Variants in DPP10 observed in about 807,000 individuals in gnomAD.
DPP10 encodes inactive dipeptidyl peptidase 10.
In DPP10, 33 loss-of-function variants were observed where a neutral mutation model predicts 120.9. That is an observed-to-expected ratio of 0.27 (90% confidence interval 0.21 to 0.37). DPP10 has a LOEUF of 0.37. Among genes scored for constraint, DPP10 ranks in the 10% least tolerant of loss-of-function variants. The pLI is 1.00. For synonymous variants in DPP10, 337 were observed against 326.1 expected, an observed-to-expected ratio of 1.03 and a Z score of -0.36; for missense variants, 816 against 942.8, an observed-to-expected ratio of 0.87 and a Z score of 1.76.
chr2:115,821,891 AGTAGAATT>A (rs1687855397), intron 21 of DPP10, among the ~76,000 whole-genome samples: 1 of 151,998 alleles, frequency 6.6e-6, no homozygotes, highest in Non-Finnish European at 1.5e-5. Context: ...AATACATAAG[AGTAGAATT>A]GTTAAGTCAC....
chr2:114,895,087 A>G (rs1692856008), intron 1 of DPP10, among the ~76,000 whole-genome samples: 1 of 152,206 alleles, frequency 6.6e-6, no homozygotes, highest in South Asian at 2.1e-4. Flanking sequence ...AGAAGTTACA[A>G]GTAGTTCATA....
chr2:115,146,216 C>G lies in DPP10; in HGVS notation c.61-163023C>G, dbSNP rs2051217147. Among the ~76,000 whole-genome samples the G allele has an allele frequency of 5.9e-5, 9 of 152,102 alleles. No individual in the cohort carries two copies. The South Asian group carries it at 1.9e-3, about 31-fold the overall frequency. On this transcript the variant is annotated intron_variant, in intron 1 of 25. Coordinates refer to ENST00000410059, the MANE Select transcript of DPP10 (RefSeq NM_020868.6). ...GTGATCCCGAATCCCATACTTCAAA[C>G]CAAGCAGGATGGTGATAAAAATTCA...
At chr2:114,927,863 G>A (rs968535639) in intron 1 of DPP10, among the ~76,000 whole-genome samples, 17 of 152,218 alleles carry the variant, frequency 1.1e-4, no homozygotes, top group African/African-American at 4.1e-4. Context: ...TGTGGCAGAA[G>A]GCAAAGGGGA....
chr2:114,931,989 A>G (rs962935237), intron 1 of DPP10, among the ~76,000 whole-genome samples: 4 of 152,208 alleles, frequency 2.6e-5, no homozygotes, highest in Non-Finnish European at 4.4e-5. Flanking sequence ...AAATCTGACA[A>G]CCTTAGAGTT....
intron 1 of DPP10, among the ~76,000 whole-genome samples, chr2:114,586,116 T>C (rs901030907): frequency 1.3e-5 from 2 of 152,118 alleles, no homozygotes; most frequent in Non-Finnish European, 2.9e-5. Flanking sequence ...CTGGGTATCA[T>C]GGTGAGCACC....
chr2:114,638,283 C>T (rs1026636892), intron 1 of DPP10, among the ~76,000 whole-genome samples: 1 of 151,692 alleles, frequency 6.6e-6, no homozygotes, highest in African/African-American at 2.4e-5. Flanking sequence ...TCAGTTTGAA[C>T]ATTATTCGTC....
chr2:115,835,516 T>G (rs909352407), intron 21 of DPP10, among the ~76,000 whole-genome samples: 20 of 152,282 alleles, frequency 1.3e-4, no homozygotes, highest in Non-Finnish European at 2.2e-4. Flanking sequence ...TAAATTTATC[T>G]TACACAAGGG....
intron 1 of DPP10, among the ~76,000 whole-genome samples, chr2:114,813,110 T>C (rs1282533643): frequency 2.0e-5 from 3 of 152,210 alleles, no homozygotes; most frequent in Non-Finnish European, 2.9e-5. Flanking sequence ...ATAATAACAA[T>C]TCAAATGGTC....
intron 3 of DPP10, among the ~76,000 whole-genome samples, chr2:115,444,341 A>G (rs1448174646): frequency 3.3e-5 from 5 of 152,238 alleles, no homozygotes; most frequent in African/African-American, 1.2e-4. Context: ...ATCTCATGTA[A>G]TTAACATGAC....
rs1693791690 is a variant in DPP10 at position 114,904,047 on chromosome 2, A to G, written c.61-405192A>G. 2.0e-5 allele frequency among the ~76,000 whole-genome samples: 3 copies of G among 152,356 alleles called. No homozygotes were observed. The South Asian group carries it at 6.2e-4, about 32-fold the overall frequency. On this transcript the variant is annotated intron_variant, in intron 1 of 25. Coordinates refer to ENST00000410059, the MANE Select transcript of DPP10 (RefSeq NM_020868.6). Reference sequence around the variant, plus strand: ...ACCAGGAGTGAAATACTGCTACAACAAATACCTAAAAAGGTGGAAGTGACT... The same window carrying G: ...ACCAGGAGTGAAATACTGCTACAACGAATACCTAAAAAGGTGGAAGTGACT...
At chr2:115,459,938 T>TATATATATATATATATACACACAC (rs66927327) in intron 3 of DPP10, among the ~76,000 whole-genome samples, 9,746 of 128,122 alleles carry the variant, frequency 0.076, 473 homozygotes, top group East Asian at 0.12. Flanking sequence ...TATATATATA[T>TATATATATATATATATACACACAC]ACACACACAC....
chr2:114,479,197 T>G lies in DPP10; in HGVS notation c.60+36359T>G, dbSNP rs546127437. On this transcript the variant is annotated intron_variant, in intron 1 of 25. Coordinates refer to ENST00000410059, the MANE Select transcript of DPP10 (RefSeq NM_020868.6). ...CTCAAAATAGGGAAGATGTCAATTA[T>G]TCCCAAGTTTCTGTTTTGTTTTGTT... is the stretch of plus-strand genomic sequence containing the variant. Among the ~76,000 whole-genome samples the G allele has an allele frequency of 1.3e-4, 20 of 152,318 alleles. No individual in the cohort carries two copies. In the South Asian group the frequency reaches 3.5e-3, roughly 27 times the overall value.
At chr2:114,904,095 G>A (rs939605400) in intron 1 of DPP10, among the ~76,000 whole-genome samples, 7 of 152,202 alleles carry the variant, frequency 4.6e-5, no homozygotes, top group Non-Finnish European at 7.3e-5. Flanking sequence ...AATGGGTAGA[G>A]ACTGAAGAAG....
intron 1 of DPP10, chr2:114,828,458 GT>G (rs1181747632): frequency 6.6e-6 from 1 of 152,096 alleles, no homozygotes; most frequent in Non-Finnish European, 1.5e-5. Context: ...TGGAGTTAAC[GT>G]TTATTTAGAA....
chr2:115,643,357 T>C (rs969543962), intron 5 of DPP10, among the ~76,000 whole-genome samples: 1 of 152,178 alleles, frequency 6.6e-6, no homozygotes, highest in Non-Finnish European at 1.5e-5. Flanking sequence ...AGTCATTGTA[T>C]TTTACAGTTA....
intron 3 of DPP10, among the ~76,000 whole-genome samples, chr2:115,412,918 T>G (rs2069072814): frequency 6.6e-6 from 1 of 152,156 alleles, no homozygotes; most frequent in Non-Finnish European, 1.5e-5. Flanking sequence ...AGGGCACAAT[T>G]GAGTATTCCT....
At chr2:115,354,732 G>T (rs1357714967) in intron 3 of DPP10, among the ~76,000 whole-genome samples, 2 of 151,688 alleles carry the variant, frequency 1.3e-5, no homozygotes, top group Admixed American at 6.6e-5. Flanking sequence ...CCTGGTGTGT[G>T]TTGTTCCCCT....
chr2:114,754,768 T>G (rs1349802261), intron 1 of DPP10, among the ~76,000 whole-genome samples: 1 of 152,172 alleles, frequency 6.6e-6, no homozygotes, highest in Non-Finnish European at 1.5e-5. Context: ...CAGGAACAAT[T>G]AGGAAGCAAT....
chr2:114,603,049 C>G (rs753549312), intron 1 of DPP10, among the ~76,000 whole-genome samples: 1 of 152,032 alleles, frequency 6.6e-6, no homozygotes, highest in South Asian at 2.1e-4. Context: ...TCCTCATTGT[C>G]TGTCTTGCCA....
Sources: allele counts gnomAD v4.1 joint callset (sites outside exome capture counted in the v4.1 genomes callset), GRCh38; gene constraint gnomAD v4.1.1; transcripts MANE v1.5; gene names NCBI Gene and HGNC (gene_info 2026-07-23, HGNC 2026-07-21).